Variants in CACNA1S observed in about 807,000 individuals in gnomAD.
CACNA1S encodes the protein voltage-dependent L-type calcium channel subunit alpha-1S.
Under a neutral mutation model 207.4 loss-of-function variants are expected in CACNA1S, and 126 were observed. The ratio of observed to expected loss-of-function variants is 0.61; its 90% CI spans 0.53 to 0.70. The LOEUF (loss-of-function observed/expected upper bound fraction) is 0.70. Ranked by LOEUF, CACNA1S falls within the 30% of genes least tolerant of loss-of-function variation. The probability of loss-of-function intolerance (pLI) is 0.00; values close to 1 mark genes in which losing one functional copy is unlikely to be tolerated. For missense variants in CACNA1S, 2,349 were observed against 2,422.8 expected, an observed-to-expected ratio of 0.97 and a Z score of 0.64; for synonymous variants, 960 against 932.7, an observed-to-expected ratio of 1.03 and a Z score of -0.53.
chr1:201,111,337 A>G (rs1663097495), intron 1 of CACNA1S, among the ~76,000 whole-genome samples: 1 of 152,074 alleles, frequency 6.6e-6, no homozygotes, highest in South Asian at 2.1e-4. Flanking sequence ...AATATTTCAA[A>G]TATGCCCCAC....
rs530689353 is a variant in CACNA1S, at chr1:201,099,538, T to C, written c.259-5517A>G. The stretch of plus-strand genomic sequence containing the variant: ...AAATCTCACTGGGACAGGGAGGCAA[T>C]GGACTCATATTCGTTGTTAACTCTT... On this transcript the variant is annotated intron_variant, in intron 2 of 43. Transcript: ENST00000362061. Among the ~76,000 whole-genome samples the C allele has an allele frequency of 3.9e-5, 6 of 152,278 alleles. No individual in the cohort carries two copies. In the East Asian group the frequency reaches 1.2e-3, roughly 29 times the overall value.
Position 201,087,902 on chromosome 1 carries a change from G to A in CACNA1S, c.928C>T (p.Pro310Ser). 1 of 1,613,364 alleles carries A rather than the reference G, an allele frequency of 6.2e-7. No individual in the cohort carries two copies. The highest frequency in any genetic ancestry group is 8.5e-7 in the Non-Finnish European group (1 of 1,179,482). Residue 310 changes from proline to serine, a missense_variant, in exon 7 of 44, where the codon CCC (proline) becomes TCC (serine). Physicochemically the swap from Pro to Ser is moderately conservative, Grantham distance 74. Coordinates refer to ENST00000362061, the MANE Select transcript of CACNA1S (RefSeq NM_000069.3). ...WVNDAIGNEW[P>S]WIYFVTLILL... ...ATGAGGGTGACAAAATAGATCCAGGGCCACTCATTCCCGATGGCATCATTG... is the reference window on the plus strand; with the variant it reads ...ATGAGGGTGACAAAATAGATCCAGGACCACTCATTCCCGATGGCATCATTG...
In CACNA1S at chr1:201,061,264, C is replaced by A. The variant is rs1558062212; in HGVS notation, c.3255+3G>T. ...CTCCACCTCTGGCAGGCAGCCCAGG[C>A]ACCTGGTTCTTGTCCAGCTCACAGT... On this transcript the variant is annotated splice_donor_region_variant and intron_variant, in intron 25 of 43. Transcript: ENST00000362061. 1.2e-6 allele frequency: 2 copies of A among 1,613,860 alleles called. No individual in the cohort carries two copies. The highest frequency in any genetic ancestry group is 1.3e-5 in the African/African-American group (1 of 74,922).
At position 201,078,013 on chromosome 1, in the gene CACNA1S, G is replaced by C; in HGVS notation, c.1485C>G (p.Ile495Met). The change falls in exon 11 of 44, where the codon ATC (isoleucine) becomes ATG (methionine). Residue 495 changes from isoleucine (I) to methionine (M), a missense_variant. Coordinates refer to ENST00000362061, the MANE Select transcript of CACNA1S (RefSeq NM_000069.3). ...CCACGAAGCAGTCGAAGCGGTTGAA[G>C]ATAGACATGAAGTACTGGCGCAGGC... ...GLGLRQYFMS[I>M]FNRFDCFVVC... 1 of 1,614,218 alleles carries C rather than the reference G, an allele frequency of 6.2e-7. No individual in the cohort carries two copies. Among genetic ancestry groups the C allele is most frequent in the Non-Finnish European group, 8.5e-7 (1 of 1,180,018 alleles).
rs967007909 is a variant in CACNA1S at position 201,066,727 on chromosome 1, G to C, written c.2657+160C>G. ...TTCACTGGTGGCAACCCACATTCCA[G>C]CTGGTGACAACCCACAGGACCCCCT... is the stretch of plus-strand genomic sequence containing the variant. On this transcript the variant is annotated intron_variant, in intron 20 of 43. Transcript: ENST00000362061. This position sits in a 1 kb window ranked among gnomAD's most constrained non-coding sequence, Gnocchi z 4.3. 6.6e-6 allele frequency among the ~76,000 whole-genome samples: 1 copy of C among 152,186 alleles called. No homozygotes were observed. The highest frequency in any genetic ancestry group is 1.5e-5 in the Non-Finnish European group (1 of 68,042).
intron 16 of CACNA1S, among the ~76,000 whole-genome samples, chr1:201,071,033 A>G (rs1661422274): frequency 6.6e-6 from 1 of 152,172 alleles, no homozygotes. Context: ...AGAGACGGAC[A>G]TTCCAAGCAC....
At chr1:201,064,640 A>T (rs556645033) in intron 22 of CACNA1S, among the ~76,000 whole-genome samples, 1 of 152,330 alleles carries the variant, frequency 6.6e-6, no homozygotes, top group East Asian at 1.9e-4. Flanking sequence ...TGATAGGAGG[A>T]GCAGCTGGGT....
At position 201,087,683 on chromosome 1, in the gene CACNA1S, TTCCTCCTCCTCCCTTCTC is replaced by T. The variant is rs1045283125; in HGVS notation, c.1004+125_1004+142del. ...ACAGCCCCCTGCCCTGCTCCACTCC[TTCCTCCTCCTCCCTTCTC>T]TCCTCCTCCTCTCCACTCGCCCCCC... On this transcript the variant is annotated intron_variant, in intron 7 of 43. Transcript: ENST00000362061. The T allele has an allele frequency of 2.2e-5, 15 of 675,234 alleles. 1 individual carries two copies. The African/African-American group carries it at 2.5e-4, about 11-fold the overall frequency. 41.8% of individuals were successfully genotyped at this position (675,234 alleles called of 1,614,324 possible).
Position 201,053,317 on chromosome 1 carries a change from A to G in CACNA1S, c.3796-43T>C. The G allele has an allele frequency of 6.2e-7, 1 of 1,611,120 alleles. No individual in the cohort carries two copies. Among genetic ancestry groups the G allele is most frequent in the Non-Finnish European group, 8.5e-7 (1 of 1,178,060 alleles). On this transcript the variant is annotated intron_variant, in intron 30 of 43. Coordinates refer to ENST00000362061, the MANE Select transcript of CACNA1S (RefSeq NM_000069.3). The surrounding 1 kb of genome is among the most constrained non-coding windows in gnomAD (Gnocchi z 5.1). ...GCGCCAGTCAGTGTCTTAGGGCTCC[A>G]CTGTGTGTCTGCAGCCCTGCCCTCT...
chr1:201,054,083 G>T (rs1421150527), intron 29 of CACNA1S, among the ~76,000 whole-genome samples: 1 of 152,206 alleles, frequency 6.6e-6, no homozygotes, highest in African/African-American at 2.4e-5. Context: ...GCTGTTCTAA[G>T]CCAGGCAAGC....
At chr1:201,058,623 C>T in intron 27 of CACNA1S, 132 bp from the exon 28 acceptor site, 1 of 719,352 alleles carries the variant, frequency 1.4e-6, no homozygotes, top group South Asian at 1.5e-5. Context: ...GTGCCCATGA[C>T]TCCACCTCCC....
intron 3 of CACNA1S, among the ~76,000 whole-genome samples, chr1:201,092,672 G>A (rs1662282196): frequency 6.6e-6 from 1 of 152,176 alleles, no homozygotes; most frequent in Admixed American, 6.5e-5. Context: ...GGGACACATT[G>A]CGTATGAAAC....
At position 201,050,508 on chromosome 1, in the gene CACNA1S, G is replaced by T. The variant is rs1660613852; in HGVS notation, c.4122C>A (p.Asn1374Lys). ...TGTCCATGATGACAGCCACAAAGAGGTTGATGACCTGCAAGAGAAGAACCA... is the reference window on the plus strand; with the variant it reads ...TGTCCATGATGACAGCCACAAAGAGTTTGATGACCTGCAAGAGAAGAACCA... ...FYMLCAFLVI[N>K]LFVAVIMDNF... Residue 1374 changes from asparagine (N) to lysine (K), a missense_variant, in exon 34 of 44, where the codon AAC (asparagine) becomes AAA (lysine). Physicochemically the swap from Asn to Lys is moderately conservative, Grantham distance 94 (BLOSUM62 0). Coordinates refer to ENST00000362061, the MANE Select transcript of CACNA1S (RefSeq NM_000069.3). 1.9e-6 allele frequency: 3 copies of T among 1,613,986 alleles called. No individual in the cohort carries two copies. Among genetic ancestry groups the T allele is most frequent in the East Asian group, 2.2e-5 (1 of 44,884 alleles).
chr1:201,042,047 T>C (rs1309043737), intron 40 of CACNA1S: 1 of 250,022 alleles, frequency 4.0e-6, no homozygotes, highest in Non-Finnish European at 7.9e-6. Flanking sequence ...CCATTCTAGG[T>C]CTTTCCAGCC....
chr1:201,061,206 T>A, intron 25 of CACNA1S, 61 bp downstream of exon 25: 5 of 1,482,690 alleles, frequency 3.4e-6, no homozygotes, highest in Non-Finnish European at 1.9e-6. Context: ...AACCTAGGGC[T>A]TGGGCCAGCA....
At chr1:201,067,772 C>T (rs1046654117) in intron 19 of CACNA1S, among the ~76,000 whole-genome samples, 4 of 152,214 alleles carry the variant, frequency 2.6e-5, no homozygotes, top group Non-Finnish European at 5.9e-5. Flanking sequence ...CAAGTTCTGG[C>T]TCTCGTGCCC....
rs1369623390 is a variant in CACNA1S, at chr1:201,062,006, G to A, written c.2991C>T (p.Phe997=). ...HREWVHSDFH[F]DNVLSAMMSL... is the part of the protein sequence containing the mutation. ...ACATCATGGCTGAGAGCACATTGTCGAAGTGGAAGTCGCTGTGTACCCACT... is the reference window on the plus strand; with the variant it reads ...ACATCATGGCTGAGAGCACATTGTCAAAGTGGAAGTCGCTGTGTACCCACT... The change falls in exon 24 of 44, where the codon TTC becomes TTT. Residue 997 remains phenylalanine, a synonymous_variant. Transcript: ENST00000362061. The A allele has an allele frequency of 7.4e-6, 12 of 1,614,090 alleles. No homozygotes were observed. Among genetic ancestry groups the A allele is most frequent in the African/African-American group, 2.7e-5 (2 of 74,936 alleles).
rs1377540470 is a variant in CACNA1S, at chr1:201,050,535, G to C, written c.4114-19C>G. The C allele has an allele frequency of 6.2e-7, 1 of 1,613,818 alleles. No individual in the cohort carries two copies. Among genetic ancestry groups the C allele is most frequent in the Non-Finnish European group, 8.5e-7 (1 of 1,179,860 alleles). On this transcript the variant is annotated intron_variant, in intron 33 of 43. Transcript: ENST00000362061. ...TGATGACCTGCAAGAGAAGAACCAA[G>C]GGGTCCCAACACAGAAAGGCAGGTG...
At chr1:201,061,134 G>A (rs141081252) in intron 25 of CACNA1S, 133 bp downstream of exon 25, 7 of 791,222 alleles carry the variant, frequency 8.8e-6, no homozygotes, top group South Asian at 6.0e-5. Flanking sequence ...GGTGCATGGA[G>A]GCTAGGGCTT....
Sources: gnomAD v4.1 joint callset for allele counts (sites outside exome capture counted in the v4.1 genomes callset) on GRCh38, gnomAD v4.1.1 for gene constraint, Gnocchi (gnomAD v3.1) non-coding constraint, MANE v1.5 for transcripts, NCBI Gene and HGNC (gene_info 2026-07-23, HGNC 2026-07-21) for gene names.